Variants in COL24A1 observed in about 807,000 individuals in gnomAD.
The protein encoded by COL24A1 is collagen alpha-1(XXIV) chain.
Under a neutral mutation model 253.9 loss-of-function variants are expected in COL24A1, and 224 were observed. The ratio of observed to expected loss-of-function variants is 0.88; its 90% CI spans 0.79 to 0.99. COL24A1 has a LOEUF of 0.99. COL24A1 is among the 50% of genes least tolerant of loss of function. The probability of loss-of-function intolerance (pLI) is 0.00; values close to 1 mark genes in which losing one functional copy is unlikely to be tolerated. For missense variants in COL24A1, 2,131 were observed against 2,068.5 expected (o/e 1.03, Z -0.59); for synonymous variants, 685 against 673.7 (o/e 1.02, Z -0.26).
intron 24 of COL24A1, among the ~76,000 whole-genome samples, chr1:85,935,257 G>C (rs912109928): frequency 4.1e-5 from 5 of 121,176 alleles, no homozygotes; most frequent in African/African-American, 1.5e-4. Context: ...AAAAGGCTAC[G>C]AACAATAACA....
rs1021885576 is a variant in COL24A1, at chr1:85,786,460, C to T, written c.3953G>A (p.Gly1318Asp). ...TGTTCTTCCTGGGCCGCCTCTGATGCCCTAAATAACACAGATAAGAAATGA... is the reference window on the plus strand; with the variant it reads ...TGTTCTTCCTGGGCCGCCTCTGATGTCCTAAATAACACAGATAAGAAATGA... ...IGPPGKQGLP[G>D]IRGGPGRTGL... The change falls in exon 48 of 60, where the codon GGC becomes GAC. Residue 1318 changes from glycine to aspartate, a missense_variant and splice_region_variant. Transcript: ENST00000370571. 1 of 1,612,090 alleles carries T rather than the reference C, an allele frequency of 6.2e-7. No individual in the cohort carries two copies. The highest frequency in any genetic ancestry group is 8.5e-7 in the Non-Finnish European group (1 of 1,179,070).
intron 5 of COL24A1, among the ~76,000 whole-genome samples, chr1:86,108,614 C>T (rs567457182): frequency 3.8e-4 from 31 of 82,016 alleles, no homozygotes; most frequent in African/African-American, 1.3e-3. Context: ...GAAACCCCAT[C>T]TCTACTAAAA....
rs536992579 is a variant in COL24A1 at position 86,050,798 on chromosome 1, C to A, written c.1852-621G>T. Among the ~76,000 whole-genome samples, 3 of 152,206 alleles carry A rather than the reference C, an allele frequency of 2.0e-5. 1 individual carries two copies. Among genetic ancestry groups the A allele is most frequent in the South Asian group, 4.1e-4 (2 of 4,824 alleles). On this transcript the variant is annotated intron_variant, in intron 10 of 59. Transcript: ENST00000370571. ...ACCCTGCCTTAATAAAGATTCCAATCTGATCTGAGAAACAAGGGATACATA... is the reference window on the plus strand; with the variant it reads ...ACCCTGCCTTAATAAAGATTCCAATATGATCTGAGAAACAAGGGATACATA...
At chr1:85,841,101 C>A in intron 42 of COL24A1, 121 bp downstream of exon 42, 1 of 688,246 alleles carries the variant, frequency 1.5e-6, no homozygotes, top group South Asian at 2.1e-5. Flanking sequence ...ACCCTCCTAT[C>A]AAACCATGTT....
chr1:86,134,188 T>A (rs1649819278), intron 2 of COL24A1, among the ~76,000 whole-genome samples: 1 of 150,556 alleles, frequency 6.6e-6, no homozygotes, highest in Non-Finnish European at 1.5e-5. Flanking sequence ...GTGGGATCGG[T>A]GGTGATATCC....
At chr1:86,022,448 A>T in intron 17 of COL24A1, 90 bp downstream of exon 17, 3 of 1,339,210 alleles carry the variant, frequency 2.2e-6, no homozygotes, top group Non-Finnish European at 2.1e-6. Flanking sequence ...ACCACATTCT[A>T]ACACAATACA....
rs773299415 is a variant in COL24A1, at chr1:85,737,415, G to GGTTTCT, written c.4762_4763insAGAAAC (p.Leu1587_Pro1588insGlnLys). On this transcript the variant is annotated inframe_insertion, in exon 58 of 60. Coordinates refer to ENST00000370571, the MANE Select transcript of COL24A1 (RefSeq NM_152890.7). ...ACATACCTTTGTTACAGAAACAGGAGGTAAGCATGTCTGGCCACCAGCACT... is the reference window on the plus strand; with the variant it reads ...ACATACCTTTGTTACAGAAACAGGAGGTTTCTGTAAGCATGTCTGGCCACCAGCACT... The GGTTTCT allele has an allele frequency of 2.5e-6, 4 of 1,611,700 alleles. No homozygotes were observed. In the Admixed American group the frequency reaches 6.7e-5, roughly 27 times the overall value.
chr1:85,875,447 T>C, intron 33 of COL24A1, 117 bp from the exon 34 acceptor site: 1 of 717,914 alleles, frequency 1.4e-6, no homozygotes, highest in Non-Finnish European at 2.4e-6. Context: ...TTGCTGTCCC[T>C]TTATAAACTT....
At chr1:85,863,299 AC>A (rs1355239211) in intron 37 of COL24A1, among the ~76,000 whole-genome samples, 1 of 152,078 alleles carries the variant, frequency 6.6e-6, no homozygotes, top group Non-Finnish European at 1.5e-5. Context: ...CTAATTGAAT[AC>A]CCTTTATTTC....
At chr1:85,945,026 T>TGTTTTTTG (rs1558753046) in intron 24 of COL24A1, among the ~76,000 whole-genome samples, 2 of 83,940 alleles carry the variant, frequency 2.4e-5, no homozygotes, top group East Asian at 8.7e-4. Flanking sequence ...TTTTTTTTTT[T>TGTTTTTTG]TTTTTTTTTG....
intron 33 of COL24A1, among the ~76,000 whole-genome samples, chr1:85,876,055 T>G (rs957789694): frequency 8.6e-5 from 13 of 152,018 alleles, no homozygotes; most frequent in African/African-American, 3.1e-4. Context: ...TTACTTATCA[T>G]GTTAAGAAAT....
chr1:86,059,301 A>T (rs1453254626), intron 8 of COL24A1, 127 bp from the exon 9 acceptor site: 2 of 533,510 alleles, frequency 3.7e-6, no homozygotes, highest in Non-Finnish European at 6.3e-6. Flanking sequence ...TGGCTTATGT[A>T]ACTGAAATCA....
At chr1:85,924,259 C>T (rs574341017) in intron 24 of COL24A1, among the ~76,000 whole-genome samples, 77 of 152,290 alleles carry the variant, frequency 5.1e-4, no homozygotes, top group African/African-American at 1.7e-3. Context: ...GAGCTGATAC[C>T]ATTCCTTCTG....
chr1:85,942,199 C>G (rs1277731088), intron 24 of COL24A1, among the ~76,000 whole-genome samples: 1 of 152,106 alleles, frequency 6.6e-6, no homozygotes, highest in African/African-American at 2.4e-5. Context: ...TTTTGAAATA[C>G]CATTTGATAG....
At chr1:85,950,988 C>T (rs1011334129) in intron 24 of COL24A1, among the ~76,000 whole-genome samples, 22 of 152,162 alleles carry the variant, frequency 1.4e-4, no homozygotes, top group Non-Finnish European at 2.5e-4. Context: ...CATTTCATGC[C>T]TTCATGTTTT....
intron 23 of COL24A1, among the ~76,000 whole-genome samples, chr1:85,964,502 C>T (rs1211226924): frequency 2.6e-5 from 4 of 151,884 alleles, no homozygotes; most frequent in East Asian, 1.9e-4. Context: ...GGTTTATTGC[C>T]CTGTATGTAA....
At chr1:86,108,557 T>C (rs1295336004) in intron 5 of COL24A1, among the ~76,000 whole-genome samples, 7 of 136,202 alleles carry the variant, frequency 5.1e-5, no homozygotes, top group South Asian at 2.3e-4. Flanking sequence ...TCAAGGCAGG[T>C]GGATCACCTG....
intron 1 of COL24A1, among the ~76,000 whole-genome samples, chr1:86,149,851 G>A (rs945707308): frequency 6.6e-6 from 1 of 152,218 alleles, no homozygotes; most frequent in Non-Finnish European, 1.5e-5. Context: ...TTGCATAAAT[G>A]TACCTGTGTA....
At chr1:86,075,030 T>C (rs1209420613) in intron 7 of COL24A1, among the ~76,000 whole-genome samples, 2 of 151,248 alleles carry the variant, frequency 1.3e-5, no homozygotes, top group East Asian at 1.9e-4. Flanking sequence ...AGACAAGAAA[T>C]AACTAAGATC....
Sources: gnomAD v4.1 joint callset for allele counts (sites outside exome capture counted in the v4.1 genomes callset) on GRCh38, gnomAD v4.1.1 for gene constraint, MANE v1.5 for transcripts, NCBI Gene and HGNC (gene_info 2026-07-23, HGNC 2026-07-21) for gene names.